UNC5D: variants seen among roughly 807,000 people sequenced by gnomAD.
UNC5D encodes netrin receptor UNC5D.
Under a neutral mutation model 105.4 loss-of-function variants are expected in UNC5D, and 39 were observed. The observed-to-expected ratio is 0.37, with a 90% confidence interval of 0.29 to 0.48. The LOEUF is 0.48. Ranked by LOEUF, UNC5D falls within the 20% of genes least tolerant of loss-of-function variation. The pLI, the probability that UNC5D is intolerant of heterozygous loss-of-function variation, is 0.98. For missense variants in UNC5D, 991 were observed against 1,202.4 expected (o/e 0.82, Z 2.60); for synonymous variants, 452 against 450.4 (o/e 1.00, Z -0.04).
chr8:35,358,080 A>G (rs934029061), intron 1 of UNC5D, among the ~76,000 whole-genome samples: 1 of 152,148 alleles, frequency 6.6e-6, no homozygotes, highest in African/African-American at 2.4e-5. Context: ...TTTGCTTACT[A>G]TCTAGACTTT....
chr8:35,579,937 T>C lies in UNC5D; in HGVS notation c.466+11696T>C, dbSNP rs1818364239. On this transcript the variant is annotated intron_variant, in intron 3 of 16. Transcript: ENST00000404895. ...AATCTTTGAGAGTGTTGATATGGCC[T>C]GAACTTCTGCAGGCATAGCATAGGT... Among the ~76,000 whole-genome samples, 6 of 152,308 alleles carry C rather than the reference T, an allele frequency of 3.9e-5. No individual in the cohort carries two copies. The South Asian group carries it at 1.0e-3, about 26-fold the overall frequency.
At chr8:35,617,761 C>T (rs1821119512) in intron 4 of UNC5D, among the ~76,000 whole-genome samples, 1 of 152,194 alleles carries the variant, frequency 6.6e-6, no homozygotes, top group Non-Finnish European at 1.5e-5. Context: ...CCAAGAAAAA[C>T]ATCCAACATT....
intron 4 of UNC5D, among the ~76,000 whole-genome samples, chr8:35,604,547 T>G (rs1820139645): frequency 6.6e-6 from 1 of 152,146 alleles, no homozygotes; most frequent in Admixed American, 6.5e-5. Flanking sequence ...TCGAGGAGTA[T>G]CTTTGTGGCA....
chr8:35,314,391 C>T (rs1199062610), intron 1 of UNC5D, among the ~76,000 whole-genome samples: 1 of 152,074 alleles, frequency 6.6e-6, no homozygotes, highest in African/African-American at 2.4e-5. Flanking sequence ...ATTATTTTGC[C>T]TACTTCCATT....
At chr8:35,255,422 C>A (rs1804009288) in intron 1 of UNC5D, 1 of 152,110 alleles carries the variant, frequency 6.6e-6, no homozygotes, top group African/African-American at 2.4e-5. Context: ...AATTAAGAGA[C>A]ACAAACCAAC....
chr8:35,589,632 T>A (rs1212370888), intron 3 of UNC5D, among the ~76,000 whole-genome samples: 1 of 152,086 alleles, frequency 6.6e-6, no homozygotes, highest in Admixed American at 6.6e-5. Flanking sequence ...CAAAACTACT[T>A]CTCTTTGCTG....
chr8:35,550,080 T>C (rs1262257077), intron 2 of UNC5D, among the ~76,000 whole-genome samples: 3 of 151,456 alleles, frequency 2.0e-5, no homozygotes, highest in Non-Finnish European at 4.4e-5. Flanking sequence ...TATTGGCAAA[T>C]TTGGCTGATA....
intron 4 of UNC5D, among the ~76,000 whole-genome samples, chr8:35,627,404 CA>C (rs1393426486): frequency 6.6e-6 from 1 of 152,162 alleles, no homozygotes; most frequent in Non-Finnish European, 1.5e-5. Flanking sequence ...ACACTCAGGG[CA>C]TCTTTATTGT....
At chr8:35,536,508 G>T (rs1403792642) in intron 1 of UNC5D, among the ~76,000 whole-genome samples, 1 of 152,094 alleles carries the variant, frequency 6.6e-6, no homozygotes, top group African/African-American at 2.4e-5. Context: ...TCCACATAAA[G>T]CATTAATTTC....
intron 1 of UNC5D, among the ~76,000 whole-genome samples, chr8:35,361,147 A>G (rs1168346167): frequency 6.6e-6 from 1 of 152,072 alleles, no homozygotes; most frequent in Non-Finnish European, 1.5e-5. Context: ...AATATTAAAC[A>G]AGGTTCAATC....
chr8:35,314,476 G>A (rs558290586), intron 1 of UNC5D, among the ~76,000 whole-genome samples: 34 of 152,220 alleles, frequency 2.2e-4, no homozygotes, highest in African/African-American at 8.2e-4. Context: ...ATTTTAGAGA[G>A]AAAGCTAATG....
intron 3 of UNC5D, among the ~76,000 whole-genome samples, chr8:35,580,875 A>C (rs2130841002): frequency 6.6e-6 from 1 of 152,306 alleles, no homozygotes; most frequent in Admixed American, 6.5e-5. Flanking sequence ...TGGGAATTTA[A>C]TATCAGCATG....
At chr8:35,249,117 ATATATAAAAT>A (rs1451972395) in intron 1 of UNC5D, among the ~76,000 whole-genome samples, 5 of 131,396 alleles carry the variant, frequency 3.8e-5, no homozygotes, top group South Asian at 4.3e-4. Flanking sequence ...TATATATTAT[ATATATAAAAT>A]TATATATAAT....
At chr8:35,724,365 T>C in intron 9 of UNC5D, 1 of 1,462,780 alleles carries the variant, frequency 6.8e-7, no homozygotes, top group South Asian at 1.3e-5. Flanking sequence ...TCACCTCCAC[T>C]GTCTTAGAGA....
At chr8:35,702,018 C>A (rs1827237733) in intron 7 of UNC5D, among the ~76,000 whole-genome samples, 2 of 151,356 alleles carry the variant, frequency 1.3e-5, no homozygotes, top group South Asian at 4.2e-4. Flanking sequence ...CAATTTAAAA[C>A]ACTTAAAAAT....
At chr8:35,255,558 C>T (rs932941809) in intron 1 of UNC5D, 1 of 151,994 alleles carries the variant, frequency 6.6e-6, no homozygotes, top group South Asian at 2.1e-4. Context: ...ACTGAGAAGG[C>T]TGGTTTTTCT....
intron 1 of UNC5D, among the ~76,000 whole-genome samples, chr8:35,244,721 C>T (rs551287255): frequency 3.9e-5 from 6 of 152,216 alleles, no homozygotes; most frequent in South Asian, 2.1e-4. Flanking sequence ...TTTAAAGATG[C>T]TATTACAGGC....
chr8:35,743,920 A>G (rs1829885995), intron 11 of UNC5D, among the ~76,000 whole-genome samples: 1 of 152,244 alleles, frequency 6.6e-6, no homozygotes, highest in African/African-American at 2.4e-5. Flanking sequence ...AACATTGACA[A>G]AATACTCTTA....
intron 1 of UNC5D, among the ~76,000 whole-genome samples, chr8:35,433,200 T>C (rs563102389): frequency 4.6e-5 from 7 of 152,278 alleles, no homozygotes; most frequent in African/African-American, 1.7e-4. Flanking sequence ...AGAATCAAAT[T>C]GTAGTTGGAT....
Sources: gnomAD v4.1 joint callset for allele counts (sites outside exome capture counted in the v4.1 genomes callset) on GRCh38, gnomAD v4.1.1 for gene constraint, MANE v1.5 for transcripts, NCBI Gene and HGNC (gene_info 2026-07-23, HGNC 2026-07-21) for gene names.